The following DNAH9 variants were observed in gnomAD, a reference collection of about 807,000 sequenced individuals.
The protein encoded by DNAH9 is dynein axonemal heavy chain 9.
In DNAH9, 345 loss-of-function variants were observed where a neutral mutation model predicts 471.6. The ratio of observed to expected loss-of-function variants is 0.73; its 90% CI spans 0.67 to 0.80. The LOEUF (loss-of-function observed/expected upper bound fraction) is 0.80, where lower values mean the gene tolerates loss of function less well. Among genes scored for constraint, DNAH9 ranks in the 30% least tolerant of loss-of-function variants. The pLI is 0.00. For synonymous variants in DNAH9, 2,093 were observed against 2,123.6 expected (o/e 0.99, Z 0.40); for missense variants, 5,407 against 5,609.2 (o/e 0.96, Z 1.15).
chr17:11,943,419 C>T (rs1975007820), intron 67 of DNAH9, among the ~76,000 whole-genome samples: 1 of 152,098 alleles, frequency 6.6e-6, no homozygotes, highest in Non-Finnish European at 1.5e-5. Flanking sequence ...TGGCTCGTGC[C>T]TGTAATCCCA....
chr17:11,869,217 A>C lies in DNAH9; in HGVS notation c.10017A>C (p.Glu3339Asp), dbSNP rs1452450999. The part of the protein sequence containing the change: ...ADKLKCQQEA[E>D]VTAVTISLAN... Reference sequence around the variant, plus strand: ...AACTCAAATGTCAGCAAGAAGCCGAAGTGACCGCAGTCACCATCTCCCTTG... The same window carrying C: ...AACTCAAATGTCAGCAAGAAGCCGACGTGACCGCAGTCACCATCTCCCTTG... The change falls in exon 51 of 69, where the codon GAA becomes GAC. Residue 3339 changes from glutamate to aspartate, a missense_variant. Physicochemically the swap from Glu to Asp is conservative, Grantham distance 45 (BLOSUM62 2). Around this residue, in one of 3 missense-constraint regions of DNAH9, gnomAD observed 4,636 missense variants for 4,900.3 expected, o/e 0.95. Transcript: ENST00000262442. The C allele has an allele frequency of 1.2e-6, 2 of 1,613,864 alleles. No homozygotes were observed.
intron 38 of DNAH9, among the ~76,000 whole-genome samples, chr17:11,773,551 T>C (rs1193167305): frequency 6.6e-6 from 1 of 151,902 alleles, no homozygotes; most frequent in African/African-American, 2.4e-5. Context: ...TTTTAAAATA[T>C]ATATAATATA....
intron 33 of DNAH9, among the ~76,000 whole-genome samples, chr17:11,753,596 G>C (rs1967248591): frequency 6.6e-6 from 1 of 152,174 alleles, no homozygotes; most frequent in Admixed American, 6.5e-5. Flanking sequence ...GAACCCGGAG[G>C]CAGAGGTTGC....
At chr17:11,710,907 G>A (rs2074816768) in intron 26 of DNAH9, among the ~76,000 whole-genome samples, 1 of 152,174 alleles carries the variant, frequency 6.6e-6, no homozygotes, top group South Asian at 2.1e-4. Context: ...TCTGGAAAAT[G>A]AGTCCAGCTT....
At chr17:11,754,015 T>G (rs1229039866) in intron 33 of DNAH9, among the ~76,000 whole-genome samples, 1 of 152,144 alleles carries the variant, frequency 6.6e-6, no homozygotes, top group Non-Finnish European at 1.5e-5. Flanking sequence ...GTTCCCTTCT[T>G]TGTGTTCACG....
intron 45 of DNAH9, among the ~76,000 whole-genome samples, chr17:11,819,343 A>G (rs182768153): frequency 9.3e-4 from 141 of 152,322 alleles, no homozygotes; most frequent in African/African-American, 3.2e-3. Flanking sequence ...AATTCTGACA[A>G]ATATTTTAGG....
intron 17 of DNAH9, among the ~76,000 whole-genome samples, chr17:11,678,316 A>G (rs2074081132): frequency 6.6e-6 from 1 of 152,110 alleles, no homozygotes. Context: ...TCGGCCTCCT[A>G]TTTAGATTTA....
chr17:11,700,680 G>A (rs567982495), intron 23 of DNAH9, among the ~76,000 whole-genome samples: 93 of 152,252 alleles, frequency 6.1e-4, no homozygotes, highest in African/African-American at 1.8e-3. Context: ...ATATGAGGGT[G>A]GCCCTGGGGT....
intron 39 of DNAH9, among the ~76,000 whole-genome samples, chr17:11,783,257 A>G (rs1045747602): frequency 6.6e-6 from 1 of 152,176 alleles, no homozygotes; most frequent in African/African-American, 2.4e-5. Flanking sequence ...GATGGAAGCT[A>G]AGAACCCATG....
intron 17 of DNAH9, 116 bp downstream of exon 17, chr17:11,669,910 C>G (rs150253263): frequency 4.4e-6 from 4 of 914,224 alleles, no homozygotes; most frequent in Non-Finnish European, 6.7e-6. Context: ...AAGATTAAGA[C>G]AGCTGGTTAG....
At chr17:11,886,744 T>C in intron 56 of DNAH9, 81 bp from the exon 57 acceptor site, 1 of 1,517,054 alleles carries the variant, frequency 6.6e-7, no homozygotes, top group Non-Finnish European at 8.9e-7. Flanking sequence ...GACGCATGTC[T>C]ACTCACACAG....
At chr17:11,946,513 A>T (rs368939856) in intron 67 of DNAH9, among the ~76,000 whole-genome samples, 2 of 151,084 alleles carry the variant, frequency 1.3e-5, no homozygotes, top group East Asian at 2.0e-4. Flanking sequence ...AATACAAAAA[A>T]AATAGCCAGG....
intron 39 of DNAH9, among the ~76,000 whole-genome samples, chr17:11,783,361 A>T (rs752279579): frequency 3.9e-5 from 6 of 152,118 alleles, no homozygotes; most frequent in Non-Finnish European, 5.9e-5. Flanking sequence ...TCTTCTTTTG[A>T]GAACACTGGC....
At chr17:11,736,339 G>A (rs576720236) in intron 28 of DNAH9, among the ~76,000 whole-genome samples, 133 of 152,276 alleles carry the variant, frequency 8.7e-4, no homozygotes, top group African/African-American at 2.7e-3. Context: ...ATGCATTTTC[G>A]ATAGAGAAAC....
At chr17:11,715,874 A>G (rs1273071950) in intron 26 of DNAH9, among the ~76,000 whole-genome samples, 1 of 152,054 alleles carries the variant, frequency 6.6e-6, no homozygotes, top group African/African-American at 2.4e-5. Flanking sequence ...AAACAGCTCT[A>G]CATGGTCTGC....
intron 49 of DNAH9, among the ~76,000 whole-genome samples, chr17:11,841,927 C>A (rs2150959579): frequency 6.6e-6 from 1 of 152,176 alleles, no homozygotes. Flanking sequence ...CTACTCAGAT[C>A]CTATGCCCAT....
intron 26 of DNAH9, among the ~76,000 whole-genome samples, chr17:11,715,579 G>A (rs930011033): frequency 1.1e-4 from 17 of 152,122 alleles, no homozygotes; most frequent in Admixed American, 1.0e-3. Flanking sequence ...TAACGTTCCT[G>A]TGTTCCCACT....
intron 14 of DNAH9, among the ~76,000 whole-genome samples, chr17:11,659,086 A>T (rs1202290104): frequency 6.6e-6 from 1 of 152,166 alleles, no homozygotes; most frequent in African/African-American, 2.4e-5. Flanking sequence ...AATATGTGAT[A>T]GAATTCACCA....
intron 30 of DNAH9, among the ~76,000 whole-genome samples, chr17:11,743,083 C>T (rs558406343): frequency 1.3e-5 from 2 of 152,254 alleles, no homozygotes; most frequent in Admixed American, 6.5e-5. Context: ...ACAGCTCCCC[C>T]GAGTGTTTAA....
Sources: allele counts gnomAD v4.1 joint callset (sites outside exome capture counted in the v4.1 genomes callset), GRCh38; gene constraint gnomAD v4.1.1; regional missense constraint gnomAD v4.1.1; transcripts MANE v1.5; gene names NCBI Gene and HGNC (gene_info 2026-07-23, HGNC 2026-07-21).